CNTNAP2: variants seen among roughly 807,000 people sequenced by gnomAD.
CNTNAP2 encodes the protein contactin-associated protein-like 2.
CNTNAP2 carries 98 observed loss-of-function variants against 155.2 expected under a neutral mutation model. The ratio of observed to expected loss-of-function variants is 0.63; its 90% CI spans 0.54 to 0.75. The LOEUF (loss-of-function observed/expected upper bound fraction) is 0.75. CNTNAP2 is among the 30% of genes least tolerant of loss of function. The probability of loss-of-function intolerance (pLI) is 0.00; values close to 1 mark genes in which losing one functional copy is unlikely to be tolerated. For missense variants in CNTNAP2, 1,727 were observed against 1,688.1 expected, an observed-to-expected ratio of 1.02 and a Z score of -0.40; for synonymous variants, 651 against 631.2, an observed-to-expected ratio of 1.03 and a Z score of -0.47.
At chr7:148,413,401 AATATATAT>A (rs1226281346) in intron 23 of CNTNAP2, among the ~76,000 whole-genome samples, 10 of 45,356 alleles carry the variant, frequency 2.2e-4, no homozygotes, top group African/African-American at 7.6e-4. Context: ...TCAAAAAAAA[AATATATAT>A]ATATATATAT....
chr7:147,565,380 T>A (rs565521674), intron 12 of CNTNAP2, among the ~76,000 whole-genome samples: 51 of 151,768 alleles, frequency 3.4e-4, no homozygotes, highest in South Asian at 1.2e-3. Flanking sequence ...CGCTTTTTTT[T>A]ATTATTATTT....
intron 3 of CNTNAP2, among the ~76,000 whole-genome samples, chr7:147,033,556 A>T (rs1052502369): frequency 6.6e-6 from 1 of 152,066 alleles, no homozygotes; most frequent in Non-Finnish European, 1.5e-5. Flanking sequence ...ATGGTAATAG[A>T]ACTGGTTTTT....
chr7:146,634,935 A>G (rs538840392), intron 1 of CNTNAP2, among the ~76,000 whole-genome samples: 1 of 152,348 alleles, frequency 6.6e-6, no homozygotes, highest in Admixed American at 6.5e-5. Flanking sequence ...CTAATATGCA[A>G]GCAATTCCAA....
intron 1 of CNTNAP2, among the ~76,000 whole-genome samples, chr7:146,726,103 A>G (rs959570225): frequency 2.0e-5 from 3 of 152,138 alleles, no homozygotes; most frequent in Non-Finnish European, 4.4e-5. Context: ...TGAAAACCTC[A>G]ACGATTACAT....
intron 13 of CNTNAP2, among the ~76,000 whole-genome samples, chr7:147,686,153 G>A (rs929623882): frequency 6.6e-6 from 1 of 152,054 alleles, no homozygotes; most frequent in Admixed American, 6.6e-5. Context: ...AGATGAGAGT[G>A]TCTCAGACCT....
intron 13 of CNTNAP2, among the ~76,000 whole-genome samples, chr7:147,665,237 G>T (rs1342820670): frequency 6.6e-6 from 1 of 152,158 alleles, no homozygotes; most frequent in Non-Finnish European, 1.5e-5. Flanking sequence ...TAGATATACT[G>T]TTTTGTGTCT....
intron 9 of CNTNAP2, among the ~76,000 whole-genome samples, chr7:147,392,540 A>G (rs957336619): frequency 6.6e-6 from 1 of 151,892 alleles, no homozygotes; most frequent in African/African-American, 2.4e-5. Context: ...CGCAAAGTCC[A>G]TTGTATCATT....
chr7:147,602,052 C>T (rs1800957958), intron 12 of CNTNAP2, among the ~76,000 whole-genome samples: 1 of 151,886 alleles, frequency 6.6e-6, no homozygotes, highest in Admixed American at 6.6e-5. Context: ...TTGCAGTATC[C>T]TTCCATCAAG....
chr7:148,239,197 C>G (rs1403820714), intron 20 of CNTNAP2, among the ~76,000 whole-genome samples: 3 of 152,196 alleles, frequency 2.0e-5, no homozygotes, highest in Non-Finnish European at 4.4e-5. Flanking sequence ...TTTGAACACT[C>G]TGGCTTCTTC....
intron 14 of CNTNAP2, among the ~76,000 whole-genome samples, chr7:147,918,567 T>A (rs1231850180): frequency 6.6e-6 from 1 of 152,194 alleles, no homozygotes; most frequent in East Asian, 1.9e-4. Flanking sequence ...CATTACTAAA[T>A]GTGATGTATA....
At chr7:147,065,247 A>C (rs940107089) in intron 4 of CNTNAP2, among the ~76,000 whole-genome samples, 3 of 152,156 alleles carry the variant, frequency 2.0e-5, no homozygotes, top group Non-Finnish European at 4.4e-5. Flanking sequence ...TTAATTGAAA[A>C]GTTTAATGGA....
chr7:146,677,182 TGGAAGTGGG>T (rs1349383977), intron 1 of CNTNAP2, among the ~76,000 whole-genome samples: 1 of 152,194 alleles, frequency 6.6e-6, no homozygotes, highest in African/African-American at 2.4e-5. Context: ...TACGTGGAAC[TGGAAGTGGG>T]GGAAGTGGGA....
chr7:146,119,307 G>A (rs964610077), intron 1 of CNTNAP2, among the ~76,000 whole-genome samples: 2 of 152,050 alleles, frequency 1.3e-5, no homozygotes, highest in Non-Finnish European at 2.9e-5. Flanking sequence ...GACAGAAGAT[G>A]TTTATTTCAC....
chr7:146,797,454 A>G (rs1180902500), intron 2 of CNTNAP2, among the ~76,000 whole-genome samples: 2 of 152,252 alleles, frequency 1.3e-5, no homozygotes, highest in Non-Finnish European at 2.9e-5. Context: ...GATTTTAAAC[A>G]TGGAAATAGC....
chr7:147,721,366 C>T (rs1796563808), intron 13 of CNTNAP2, among the ~76,000 whole-genome samples: 1 of 152,066 alleles, frequency 6.6e-6, no homozygotes, highest in Non-Finnish European at 1.5e-5. Flanking sequence ...AGTTTTCAAT[C>T]ACTTTTTAAC....
At position 146,303,108 on chromosome 7, in the gene CNTNAP2, G is replaced by GCA. The variant is rs1491442605; in HGVS notation, c.97+186136_97+186137insAC. ...TGTGTGTGTGTGTGTGTGTGTGTGT[G>GCA]CGCATGCATACATGAACACGTGTCA... On this transcript the variant is annotated intron_variant, in intron 1 of 23. Coordinates refer to ENST00000361727, the MANE Select transcript of CNTNAP2 (RefSeq NM_014141.6). Among the ~76,000 whole-genome samples the GCA allele has an allele frequency of 2.8e-3, 418 of 148,408 alleles. 4 individuals carry two copies. The highest frequency in any genetic ancestry group is 0.01 in the African/African-American group (393 of 38,572).
intron 11 of CNTNAP2, among the ~76,000 whole-genome samples, chr7:147,537,514 G>A (rs2116736749): frequency 6.6e-6 from 1 of 152,126 alleles, no homozygotes; most frequent in Middle Eastern, 3.4e-3. Context: ...AATGCAATAT[G>A]TAATAGTGGG....
intron 15 of CNTNAP2, among the ~76,000 whole-genome samples, chr7:148,005,452 A>G (rs909196688): frequency 6.6e-6 from 1 of 152,058 alleles, no homozygotes; most frequent in Non-Finnish European, 1.5e-5. Context: ...CATGGGCTCT[A>G]TGTGTCACAT....
At chr7:147,789,795 C>G (rs1797792053) in intron 13 of CNTNAP2, among the ~76,000 whole-genome samples, 1 of 152,158 alleles carries the variant, frequency 6.6e-6, no homozygotes, top group Admixed American at 6.5e-5. Flanking sequence ...GCTTCCTGCC[C>G]TTGAACATCA....
Sources: gnomAD v4.1 joint callset for allele counts (sites outside exome capture counted in the v4.1 genomes callset) on GRCh38, gnomAD v4.1.1 for gene constraint, MANE v1.5 for transcripts, NCBI Gene and HGNC (gene_info 2026-07-23, HGNC 2026-07-21) for gene names.